Variants in LDB2 observed in about 807,000 individuals in gnomAD.
LDB2 encodes the protein LIM domain-binding protein 2.
Under a neutral mutation model 44.3 loss-of-function variants are expected in LDB2, and 12 were observed. That is an observed-to-expected ratio of 0.27 (90% confidence interval 0.17 to 0.44). The LOEUF (loss-of-function observed/expected upper bound fraction) is 0.44. LDB2 is among the 20% of genes least tolerant of loss of function. LDB2 has a pLI of 1.00. For synonymous variants in LDB2, 164 were observed against 174.8 expected, an observed-to-expected ratio of 0.94 and a Z score of 0.49; for missense variants, 344 against 473.5, an observed-to-expected ratio of 0.73 and a Z score of 2.54.
At chr4:16,778,982 A>G (rs907012253) in intron 1 of LDB2, among the ~76,000 whole-genome samples, 4 of 152,138 alleles carry the variant, frequency 2.6e-5, no homozygotes, top group Non-Finnish European at 5.9e-5. Context: ...TTCCTATCTC[A>G]TTGTCTCCCT....
intron 1 of LDB2, among the ~76,000 whole-genome samples, chr4:16,803,970 G>A (rs1265139395): frequency 1.3e-5 from 2 of 152,314 alleles, no homozygotes; most frequent in African/African-American, 4.8e-5. Context: ...TATTGTTGAT[G>A]TTACTGCAGG....
intron 1 of LDB2, among the ~76,000 whole-genome samples, chr4:16,801,547 A>C (rs905607955): frequency 7.9e-5 from 12 of 152,310 alleles, no homozygotes; most frequent in African/African-American, 2.9e-4. Flanking sequence ...CACTTTGGGG[A>C]ACAAGTCACT....
chr4:16,878,182 G>C (rs1050563860), intron 1 of LDB2, among the ~76,000 whole-genome samples: 3 of 152,164 alleles, frequency 2.0e-5, no homozygotes, highest in Admixed American at 1.3e-4. Context: ...GTTGGACGTG[G>C]AGAATTGATG....
intron 5 of LDB2, among the ~76,000 whole-genome samples, chr4:16,526,479 CT>C (rs1447270787): frequency 6.6e-6 from 1 of 152,240 alleles, no homozygotes; most frequent in Non-Finnish European, 1.5e-5. Flanking sequence ...CAGATATCTA[CT>C]GCAGAACTCC....
At chr4:16,864,847 C>T (rs1714108131) in intron 1 of LDB2, among the ~76,000 whole-genome samples, 1 of 150,154 alleles carries the variant, frequency 6.7e-6, no homozygotes, top group Non-Finnish European at 1.5e-5. Context: ...ATCACTTGAA[C>T]CCAGGGGGCA....
intron 2 of LDB2, among the ~76,000 whole-genome samples, chr4:16,642,383 T>C (rs1735451111): frequency 6.6e-6 from 1 of 151,654 alleles, no homozygotes; most frequent in Non-Finnish European, 1.5e-5. Context: ...CCACTCCTAA[T>C]GGAAAAAAAT....
intron 5 of LDB2, among the ~76,000 whole-genome samples, chr4:16,580,184 G>C (rs1713808839): frequency 6.6e-6 from 1 of 152,160 alleles, no homozygotes; most frequent in Non-Finnish European, 1.5e-5. Context: ...GGTTCGTGTG[G>C]TCCAGGATGG....
intron 5 of LDB2, among the ~76,000 whole-genome samples, chr4:16,513,710 T>G (rs573937240): frequency 5.3e-5 from 8 of 152,250 alleles, no homozygotes; most frequent in Admixed American, 5.2e-4. Context: ...CTGTTGGGGC[T>G]CAGAAAATGA....
At chr4:16,657,563 A>G (rs1189708360) in intron 2 of LDB2, among the ~76,000 whole-genome samples, 2 of 152,222 alleles carry the variant, frequency 1.3e-5, no homozygotes, top group African/African-American at 4.8e-5. Context: ...CAAGTCTGCC[A>G]CAAAGCCTAC....
At chr4:16,705,631 T>C (rs1027626663) in intron 2 of LDB2, among the ~76,000 whole-genome samples, 4 of 152,218 alleles carry the variant, frequency 2.6e-5, no homozygotes, top group Admixed American at 1.3e-4. Context: ...CTTTTTGTTC[T>C]AAGCCACTCT....
intron 1 of LDB2, among the ~76,000 whole-genome samples, chr4:16,803,620 T>G (rs2109774708): frequency 6.6e-6 from 1 of 152,318 alleles, no homozygotes; most frequent in African/African-American, 2.4e-5. Context: ...CCAACAATTT[T>G]TCAACCATAT....
At chr4:16,754,616 C>T (rs941292650) in intron 2 of LDB2, among the ~76,000 whole-genome samples, 3 of 151,800 alleles carry the variant, frequency 2.0e-5, no homozygotes, top group East Asian at 3.9e-4. Flanking sequence ...CAACCTCCAT[C>T]CGCCTCCTGG....
At chr4:16,697,463 A>G (rs1299324779) in intron 2 of LDB2, among the ~76,000 whole-genome samples, 2 of 150,076 alleles carry the variant, frequency 1.3e-5, no homozygotes, top group African/African-American at 2.4e-5. Context: ...CTCCGTCCCA[A>G]AAAAAAAAAC....
chr4:16,517,912 TGG>T (rs1166957391), intron 5 of LDB2, among the ~76,000 whole-genome samples: 22 of 150,852 alleles, frequency 1.5e-4, no homozygotes, highest in Admixed American at 5.9e-4. Flanking sequence ...GATGGATGGA[TGG>T]ATGGATGGAT....
chr4:16,720,787 G>T, intron 2 of LDB2, among the ~76,000 whole-genome samples: 1 of 152,082 alleles, frequency 6.6e-6, no homozygotes, highest in East Asian at 1.9e-4. Flanking sequence ...ATTTACTAAG[G>T]AATTACCATG....
At chr4:16,626,642 T>G (rs912308258) in intron 2 of LDB2, 27 of 152,350 alleles carry the variant, frequency 1.8e-4, no homozygotes, top group African/African-American at 6.3e-4. Flanking sequence ...CACAGATTTT[T>G]TTTTTTCATT....
intron 2 of LDB2, among the ~76,000 whole-genome samples, chr4:16,696,024 A>G (rs1447537671): frequency 6.6e-6 from 1 of 152,192 alleles, no homozygotes; most frequent in Non-Finnish European, 1.5e-5. Flanking sequence ...CTGAAAATGC[A>G]GAGCAATGGG....
intron 2 of LDB2, among the ~76,000 whole-genome samples, chr4:16,726,974 G>A (rs1413473166): frequency 3.9e-5 from 6 of 152,172 alleles, no homozygotes; most frequent in African/African-American, 1.4e-4. Flanking sequence ...TCTTAACAAT[G>A]TTCACATTAA....
chr4:16,624,716 T>C (rs924576465), intron 2 of LDB2, among the ~76,000 whole-genome samples: 3 of 152,184 alleles, frequency 2.0e-5, no homozygotes, highest in Non-Finnish European at 2.9e-5. Flanking sequence ...TTTAACTTTA[T>C]TCACAATTGA....
Sources: allele counts gnomAD v4.1 joint callset (sites outside exome capture counted in the v4.1 genomes callset), GRCh38; gene constraint gnomAD v4.1.1; transcripts MANE v1.5; gene names NCBI Gene and HGNC (gene_info 2026-07-23, HGNC 2026-07-21).